ANK3: variants seen among roughly 807,000 people sequenced by gnomAD.
ANK3 encodes ankyrin 3, also known as ankyrin-3.
In ANK3, 57 loss-of-function variants were observed where a neutral mutation model predicts 370.9. The ratio of observed to expected loss-of-function variants is 0.15; its 90% CI spans 0.12 to 0.19. The LOEUF (loss-of-function observed/expected upper bound fraction) is 0.19, where lower values mean the gene tolerates loss of function less well. Among genes scored for constraint, ANK3 ranks in the 10% least tolerant of loss-of-function variants. The pLI, the probability that ANK3 is intolerant of heterozygous loss-of-function variation, is 1.00. For missense variants in ANK3, 4,439 were observed against 5,302.1 expected, an observed-to-expected ratio of 0.84 and a Z score of 5.06; for synonymous variants, 1,929 against 1,946.3, an observed-to-expected ratio of 0.99 and a Z score of 0.23.
At chr10:60,652,520 A>G (rs1297202627) in intron 1 of ANK3, among the ~76,000 whole-genome samples, 6 of 152,196 alleles carry the variant, frequency 3.9e-5, no homozygotes, top group South Asian at 2.1e-4. Flanking sequence ...GCCAAGGAGA[A>G]AAGGAAATAG....
At chr10:60,160,524 G>A (rs191094259) in intron 23 of ANK3, among the ~76,000 whole-genome samples, 2 of 152,090 alleles carry the variant, frequency 1.3e-5, no homozygotes, top group East Asian at 3.9e-4. Flanking sequence ...CCAAAAATTT[G>A]AGGGAACACT....
At chr10:60,549,305 T>A (rs1322568309) in intron 2 of ANK3, among the ~76,000 whole-genome samples, 10 of 152,300 alleles carry the variant, frequency 6.6e-5, no homozygotes, top group African/African-American at 2.4e-4. Context: ...TATTAATAAT[T>A]AATATTTGGC....
At chr10:60,412,938 T>C (rs539891722) in intron 2 of ANK3, among the ~76,000 whole-genome samples, 12 of 152,336 alleles carry the variant, frequency 7.9e-5, no homozygotes, top group African/African-American at 2.6e-4. Flanking sequence ...TGGTACATAA[T>C]AAGGTCTCAA....
At chr10:60,489,326 A>G (rs12252707) in intron 2 of ANK3, among the ~76,000 whole-genome samples, 1,574 of 152,318 alleles carry the variant, frequency 0.01, 26 homozygotes, top group African/African-American at 0.036. Flanking sequence ...CAAGACTAAT[A>G]CACTAGACAT....
At chr10:60,650,562 C>T (rs1037749756) in intron 1 of ANK3, among the ~76,000 whole-genome samples, 1 of 152,058 alleles carries the variant, frequency 6.6e-6, no homozygotes, top group Non-Finnish European at 1.5e-5. Context: ...TTCTAATATG[C>T]ATAATTGTGA....
At chr10:60,326,153 G>A (rs972356513) in intron 1 of ANK3, among the ~76,000 whole-genome samples, 5 of 152,024 alleles carry the variant, frequency 3.3e-5, no homozygotes, top group African/African-American at 7.2e-5. Context: ...AGGAGAGAGA[G>A]GATCTGGAAA....
chr10:60,676,255 A>G (rs193067988), intron 1 of ANK3, among the ~76,000 whole-genome samples: 1 of 152,328 alleles, frequency 6.6e-6, no homozygotes, highest in East Asian at 1.9e-4. Context: ...AGTAATTTGA[A>G]AATGTTTTAC....
intron 2 of ANK3, among the ~76,000 whole-genome samples, chr10:60,471,541 A>T (rs1031937151): frequency 1.3e-5 from 2 of 152,144 alleles, no homozygotes; most frequent in African/African-American, 4.8e-5. Context: ...ACAAAGCTGC[A>T]ATGATGATTC....
rs117698321 is a variant in ANK3, at chr10:60,515,090, A to G, written c.96+100096T>C. Among the ~76,000 whole-genome samples, 174 of 152,304 alleles carry G rather than the reference A, an allele frequency of 1.1e-3. 1 individual carries two copies. In the East Asian group the frequency reaches 0.026, roughly 23 times the overall value. On this transcript the variant is annotated intron_variant, in intron 2 of 43. Transcript: ENST00000373827. ...AGGCTTAATAATATGTAGGAATACT[A>G]GAGCTATACTATAAGAAGTTCTGAT...
chr10:60,424,163 G>T (rs552558960), intron 2 of ANK3, among the ~76,000 whole-genome samples: 1 of 151,984 alleles, frequency 6.6e-6, no homozygotes, highest in Non-Finnish European at 1.5e-5. Context: ...TATACTTAGG[G>T]TGACCACACA....
rs541574298 is a variant in ANK3 at position 60,224,249 on chromosome 10, C to A, written c.897+10439G>T. Reference sequence around the variant, plus strand: ...ATGGGGTTAGTAATATTTTCCAATTCCCTTGATTTTTAAAGCACTCACATA... The same window carrying A: ...ATGGGGTTAGTAATATTTTCCAATTACCTTGATTTTTAAAGCACTCACATA... On this transcript the variant is annotated intron_variant, in intron 8 of 43. Transcript: ENST00000280772. 2.0e-5 allele frequency among the ~76,000 whole-genome samples: 3 copies of A among 152,106 alleles called. No homozygotes were observed. The East Asian group carries it at 5.8e-4, about 29-fold the overall frequency.
At chr10:60,731,017 G>A (rs2080014536) in intron 1 of ANK3, among the ~76,000 whole-genome samples, 2 of 152,140 alleles carry the variant, frequency 1.3e-5, no homozygotes, top group African/African-American at 4.8e-5. Context: ...GGATTATACA[G>A]ATTCCCTATA....
chr10:60,343,699 G>A (rs1038845103), intron 1 of ANK3, among the ~76,000 whole-genome samples: 14 of 152,166 alleles, frequency 9.2e-5, no homozygotes, highest in African/African-American at 3.1e-4. Context: ...TGGATTTTAT[G>A]TATTAAGCAG....
intron 24 of ANK3, 123 bp downstream of exon 24, chr10:60,138,841 C>A: frequency 7.5e-7 from 1 of 1,337,466 alleles, no homozygotes. Flanking sequence ...GAACATTTCG[C>A]TAAATTCACA....
chr10:60,345,698 C>T (rs2055298596), intron 1 of ANK3, among the ~76,000 whole-genome samples: 1 of 152,158 alleles, frequency 6.6e-6, no homozygotes, highest in Non-Finnish European at 1.5e-5. Flanking sequence ...CTGTTCACTG[C>T]TCTAGGTCCT....
intron 2 of ANK3, among the ~76,000 whole-genome samples, chr10:60,477,508 G>GACATACACACACACACACAC (rs1279888980): frequency 1.7e-5 from 2 of 116,472 alleles, no homozygotes; most frequent in Admixed American, 1.8e-4. Context: ...CTGACAGACA[G>GACATACACACACACACACAC]ACAGACATAC....
chr10:60,193,323 A>G (rs551302675), intron 16 of ANK3, among the ~76,000 whole-genome samples: 1 of 152,350 alleles, frequency 6.6e-6, no homozygotes, highest in East Asian at 1.9e-4. Flanking sequence ...AATGTAAAGG[A>G]GAAATCAACT....
chr10:60,060,116 C>T, intron 40 of ANK3: 1 of 770,914 alleles, frequency 1.3e-6, no homozygotes, highest in Non-Finnish European at 1.9e-6. Context: ...TGATGAATTA[C>T]AGATTAATGT....
At chr10:60,215,598 C>A (rs2096924663) in intron 8 of ANK3, among the ~76,000 whole-genome samples, 1 of 152,148 alleles carries the variant, frequency 6.6e-6, no homozygotes, top group South Asian at 2.1e-4. Flanking sequence ...TTTCCCAGCA[C>A]CATTTACTGA....
Sources: gnomAD v4.1 joint callset for allele counts (sites outside exome capture counted in the v4.1 genomes callset) on GRCh38, gnomAD v4.1.1 for gene constraint, MANE v1.5 for transcripts, NCBI Gene and HGNC (gene_info 2026-07-23, HGNC 2026-07-21) for gene names.